Variants in EIF4A3 observed in about 807,000 individuals in gnomAD.
The protein encoded by EIF4A3 is eukaryotic initiation factor 4A-III.
EIF4A3 carries 1 observed loss-of-function variant against 55.6 expected under a neutral mutation model. The ratio of observed to expected loss-of-function variants is 0.02; its 90% CI spans 0.01 to 0.09. The LOEUF is 0.09. Ranked by LOEUF, EIF4A3 falls within the 10% of genes least tolerant of loss-of-function variation. EIF4A3 has a pLI of 1.00. For missense variants in EIF4A3, 221 were observed against 540.7 expected (o/e 0.41, Z 5.86); for synonymous variants, 194 against 196.3 (o/e 0.99, Z 0.10).
At chr17:80,139,872 T>TC in intron 5 of EIF4A3, 122 bp from the exon 6 acceptor site, 1 of 1,490,032 alleles carries the variant, frequency 6.7e-7, no homozygotes, top group South Asian at 1.3e-5. Flanking sequence ...CCAGAGACCT[T>TC]CCCTCTACCT....
rs866706208 is a variant in EIF4A3 at position 80,135,233 on chromosome 17, G to A, written c.*257C>T. ...ACACAGTAAGTTACTAGAGAAGGTG[G>A]TGGCACCTTAGAAGTATAGAGTTTA... On this transcript the variant is annotated 3_prime_UTR_variant, in exon 12 of 12. Transcript: ENST00000649764. The A allele has an allele frequency of 2.5e-6, 1 of 397,570 alleles. No individual in the cohort carries two copies. Among genetic ancestry groups the A allele is most frequent in the East Asian group, 3.9e-5 (1 of 25,956 alleles). The allele number at this position is 397,570 out of a possible 1,614,324, so 24.6% of individuals were successfully genotyped here. A position where few individuals can be genotyped will look rare whatever the true frequency, so the allele number is the denominator to read the frequency against.
chr17:80,137,746 GCTCATT>G (rs1190383616), intron 8 of EIF4A3: 1 of 495,254 alleles, frequency 2.0e-6, no homozygotes, highest in African/African-American at 2.0e-5. Context: ...GGCCAGGTGT[GCTCATT>G]CTCATTTGAA....
chr17:80,139,006 AAGAGG>A lies in EIF4A3; in HGVS notation c.728+10_728+14del, dbSNP rs757104118. 12 of 1,612,782 alleles carry A rather than the reference AAGAGG, an allele frequency of 7.4e-6. No homozygotes were observed. The highest frequency in any genetic ancestry group is 9.3e-6 in the Non-Finnish European group (11 of 1,179,436). On this transcript the variant is annotated intron_variant, in intron 7 of 11. Coordinates refer to ENST00000649764, the MANE Select transcript of EIF4A3 (RefSeq NM_014740.4). ...GGCCCAGTGTTTTAGTAAACTTGAC[AAGAGG>A]GGCTCCTACCGTTTCACCAAGATGC...
intron 1 of EIF4A3, 107 bp downstream of exon 1, chr17:80,146,686 C>T (rs2039666464): frequency 7.4e-7 from 1 of 1,355,456 alleles, no homozygotes; most frequent in East Asian, 2.8e-5. Flanking sequence ...ACCCTGACCA[C>T]GACCTCCGGA....
At chr17:80,136,809 T>TGAAAA (rs1491263140) in intron 9 of EIF4A3, 5 of 39,876 alleles carry the variant, frequency 1.3e-4, no homozygotes, top group African/African-American at 5.0e-4. Context: ...CTACTAAAAA[T>TGAAAA]GAAAAAAAAA....
Position 80,147,097 on chromosome 17 carries a change from C to A in EIF4A3, c.-136G>T. 1 of 1,285,740 alleles carries A rather than the reference C, an allele frequency of 7.8e-7. No homozygotes were observed. Among genetic ancestry groups the A allele is most frequent in the South Asian group, 1.7e-5 (1 of 60,164 alleles). 79.6% of individuals were successfully genotyped at this position (1,285,740 alleles called of 1,614,324 possible). On this transcript the variant is annotated 5_prime_UTR_variant, in exon 1 of 12. Transcript: ENST00000649764. ...GCTGCCGACCTCGCTGTGCCGCTGC[C>A]GACCTCGCTGTGCCGCTGCCGACCT... is the stretch of plus-strand genomic sequence containing the variant.
chr17:80,139,595 T>G (rs1598604757), intron 6 of EIF4A3, 75 bp downstream of exon 6: 34 of 1,339,170 alleles, frequency 2.5e-5, no homozygotes. Flanking sequence ...TCACTGGCTG[T>G]TTCAATTTTA....
At chr17:80,144,739 A>T in intron 1 of EIF4A3, among the ~76,000 whole-genome samples, 1 of 152,142 alleles carries the variant, frequency 6.6e-6, no homozygotes, top group East Asian at 1.9e-4. Flanking sequence ...GCTAGCATTA[A>T]GTCTGTGTGT....
At position 80,135,298 on chromosome 17, in the gene EIF4A3, C is replaced by G; in HGVS notation, c.*192G>C. ...AATTTTTAATGAAAAAGACTTAGAA[C>G]AATGTATTATTTACATGTAAATAAG... On this transcript the variant is annotated 3_prime_UTR_variant, in exon 12 of 12. Transcript: ENST00000649764. 1 of 548,456 alleles carries G rather than the reference C, an allele frequency of 1.8e-6. No individual in the cohort carries two copies. The highest frequency in any genetic ancestry group is 3.9e-5 in the South Asian group (1 of 25,558). 34.0% of individuals were successfully genotyped at this position (548,456 alleles called of 1,614,324 possible).
intron 1 of EIF4A3, among the ~76,000 whole-genome samples, chr17:80,146,397 G>C (rs1209340282): frequency 6.6e-6 from 1 of 152,150 alleles, no homozygotes; most frequent in Admixed American, 6.5e-5. Flanking sequence ...TGGGCAACCT[G>C]ACAGTATGCT....
Position 80,134,390 on chromosome 17 carries a change from CTTTAATAA to C in EIF4A3, c.*1092_*1099del, listed in dbSNP as rs2039552998. Among the ~76,000 whole-genome samples the C allele has an allele frequency of 1.3e-5, 2 of 152,040 alleles. No homozygotes were observed. The highest frequency in any genetic ancestry group is 1.3e-4 in the Admixed American group (2 of 15,274). ...AATATTTCAACAGATAACTTAAATA[CTTTAATAA>C]TTTAAATATTTAAACAGATAATTAT... On this transcript the variant is annotated 3_prime_UTR_variant, in exon 12 of 12. Transcript: ENST00000649764.
chr17:80,142,270 G>C (rs1171293636), intron 2 of EIF4A3, among the ~76,000 whole-genome samples: 1 of 152,172 alleles, frequency 6.6e-6, no homozygotes, highest in East Asian at 1.9e-4. Context: ...GTGGTGCTAG[G>C]AGATATGGCT....
At chr17:80,144,985 T>C (rs985892541) in intron 1 of EIF4A3, among the ~76,000 whole-genome samples, 1 of 152,254 alleles carries the variant, frequency 6.6e-6, no homozygotes, top group African/African-American at 2.4e-5. Context: ...CTCTTAAATG[T>C]AGCTCTGCTC....
rs530906381 is a variant in EIF4A3 at position 80,134,736 on chromosome 17, A to G, written c.*754T>C. On this transcript the variant is annotated 3_prime_UTR_variant, in exon 12 of 12. Coordinates refer to ENST00000649764, the MANE Select transcript of EIF4A3 (RefSeq NM_014740.4). ...CTACTCAGGAGGGTGAGGTGAGAGG[A>G]TCGCTTGAGCCCAGGAGGTTGTGGC... 3.3e-4 allele frequency among the ~76,000 whole-genome samples: 50 copies of G among 152,276 alleles called. No individual in the cohort carries two copies. The highest frequency in any genetic ancestry group is 4.3e-4 in the Non-Finnish European group (29 of 68,010).
At chr17:80,137,992 G>T in intron 8 of EIF4A3, 150 bp downstream of exon 8, 1 of 1,034,706 alleles carries the variant, frequency 9.7e-7, no homozygotes, top group Non-Finnish European at 1.4e-6. Flanking sequence ...TTTGCATATT[G>T]TCTACAGCTG....
intron 9 of EIF4A3, 48 bp from the exon 10 acceptor site, chr17:80,136,383 G>A (rs1409723248): frequency 5.4e-6 from 8 of 1,478,884 alleles, no homozygotes; most frequent in East Asian, 2.3e-5. Flanking sequence ...TCATACAAGT[G>A]TAAGACTGGA....
At chr17:80,137,585 A>T in intron 8 of EIF4A3, 84 bp from the exon 9 acceptor site, 2 of 1,016,158 alleles carry the variant, frequency 2.0e-6, no homozygotes, top group South Asian at 3.0e-5. Flanking sequence ...CATCATTTGC[A>T]GAACCAGTAT....
chr17:80,141,285 G>A (rs1362211068), intron 4 of EIF4A3, 34 bp downstream of exon 4: 1 of 1,590,488 alleles, frequency 6.3e-7, no homozygotes, highest in Non-Finnish European at 8.6e-7. Flanking sequence ...AGCAGTACTT[G>A]TTAATCGGAC....
intron 11 of EIF4A3, 58 bp from the exon 12 acceptor site, chr17:80,135,564 A>T: frequency 6.8e-7 from 1 of 1,468,260 alleles, no homozygotes; most frequent in Non-Finnish European, 9.3e-7. Context: ...AAAATTTGTT[A>T]ACGTAAATTT....
Sources: allele counts gnomAD v4.1 joint callset (sites outside exome capture counted in the v4.1 genomes callset), GRCh38; gene constraint gnomAD v4.1.1; transcripts MANE v1.5; gene names NCBI Gene and HGNC (gene_info 2026-07-23, HGNC 2026-07-21).